Variants in ATRX observed in about 807,000 individuals in gnomAD.
ATRX encodes the protein chromatin remodeler ATRX.
A neutral mutation model predicts 172.6 loss-of-function variants in ATRX; 12 were observed. The ratio of observed to expected loss-of-function variants is 0.07; its 90% CI spans 0.04 to 0.11. The LOEUF (loss-of-function observed/expected upper bound fraction) is 0.11, where lower values mean the gene tolerates loss of function less well. ATRX is among the 10% of genes least tolerant of loss of function. ATRX has a pLI of 1.00. For synonymous variants in ATRX, 674 were observed against 594.7 expected, an observed-to-expected ratio of 1.13 and a Z score of -1.94; for missense variants, 1,368 against 1,767.4, an observed-to-expected ratio of 0.77 and a Z score of 4.05.
At chrX:77,750,727 T>C (rs1420110572) in intron 1 of ATRX, among the ~76,000 whole-genome samples, 1 of 109,319 alleles carries the variant, frequency 9.1e-6, no homozygotes, top group African/African-American at 3.3e-5. Flanking sequence ...CCCCTCCCTG[T>C]GCCCATGTGT....
chrX:77,742,869 G>C (rs1401449908), intron 1 of ATRX, among the ~76,000 whole-genome samples: 4 of 111,724 alleles, frequency 3.6e-5, no homozygotes, highest in Non-Finnish European at 3.8e-5. Flanking sequence ...TTCAGGGAGG[G>C]AACACATTCT....
intron 1 of ATRX, among the ~76,000 whole-genome samples, chrX:77,734,202 G>A (rs1383674257): frequency 6.3e-5 from 6 of 94,814 alleles, no homozygotes; most frequent in Non-Finnish European, 1.1e-4. Context: ...GCAAGATTCT[G>A]TCTCAAATAC....
intron 20 of ATRX, among the ~76,000 whole-genome samples, chrX:77,619,214 T>C (rs1325339727): frequency 9.0e-6 from 1 of 110,964 alleles, no homozygotes; most frequent in East Asian, 2.8e-4. Flanking sequence ...GACATGAACG[T>C]TTTTTAAAAA....
At chrX:77,533,578 C>T (rs782057841) in intron 30 of ATRX, among the ~76,000 whole-genome samples, 4 of 110,833 alleles carry the variant, frequency 3.6e-5, no homozygotes, top group Non-Finnish European at 5.7e-5. Flanking sequence ...GGGACCTGAT[C>T]GATGAGAACA....
chrX:77,718,707 T>C (rs2073583517), intron 1 of ATRX, among the ~76,000 whole-genome samples: 1 of 111,147 alleles, frequency 9.0e-6, no homozygotes, highest in African/African-American at 3.3e-5. Flanking sequence ...ATAATAGATG[T>C]ATCTGTAATT....
chrX:77,543,863 C>T (rs782420708), intron 30 of ATRX, among the ~76,000 whole-genome samples: 6 of 109,630 alleles, frequency 5.5e-5, no homozygotes, highest in African/African-American at 1.0e-4. Context: ...ATGTAGGTGA[C>T]GGGTTGATGG....
intron 30 of ATRX, among the ~76,000 whole-genome samples, chrX:77,525,075 C>CA (rs1219761445): frequency 9.0e-6 from 1 of 111,446 alleles, no homozygotes; most frequent in Admixed American, 9.5e-5. Context: ...TTGTTGAAAA[C>CA]AAAAAACAAT....
intron 1 of ATRX, among the ~76,000 whole-genome samples, chrX:77,767,637 C>T (rs978776433): frequency 1.1e-4 from 12 of 110,965 alleles, no homozygotes; most frequent in Non-Finnish European, 1.9e-4. Context: ...TCAGGTGATC[C>T]GCCCGCCTCA....
At chrX:77,610,490 A>C (rs1483231918) in intron 22 of ATRX, among the ~76,000 whole-genome samples, 1 of 111,892 alleles carries the variant, frequency 8.9e-6, no homozygotes, top group African/African-American at 3.2e-5. Flanking sequence ...ATGGAGTCAG[A>C]AGAGCTGATA....
In ATRX at chrX:77,682,743, T is replaced by C. The variant is rs587778085; in HGVS notation, c.2513A>G (p.Lys838Arg). 8.3e-7 allele frequency: 1 copy of C among 1,208,528 alleles called. No individual in the cohort carries two copies. Among genetic ancestry groups the C allele is most frequent in the African/African-American group, 1.8e-5 (1 of 56,987 alleles). Reference protein sequence around the residue: ...MSKIGAARTTKKRIPNTKDFD... With the variant: ...MSKIGAARTTRKRIPNTKDFD... The stretch of plus-strand genomic sequence containing the variant: ...ATCTTTTGTATTTGGAATTCTTTTT[T>C]TGGTGGTTCTGGCAGCACCAATTTT... The change falls in exon 9 of 35, where the codon AAA becomes AGA. Residue 838 changes from lysine to arginine, a missense_variant. Transcript: ENST00000373344.
chrX:77,775,525 A>C (rs2076316696), intron 1 of ATRX, among the ~76,000 whole-genome samples: 1 of 109,700 alleles, frequency 9.1e-6, no homozygotes, highest in African/African-American at 3.3e-5. Context: ...TCCACAAAAA[A>C]ATACAAAAAT....
intron 22 of ATRX, among the ~76,000 whole-genome samples, chrX:77,613,934 C>T (rs782472598): frequency 9.0e-6 from 1 of 110,706 alleles, no homozygotes; most frequent in South Asian, 3.8e-4. Context: ...CTTCTGATAC[C>T]TGACAATAAA....
chrX:77,673,279 CAACT>C (rs1369310623), intron 10 of ATRX, among the ~76,000 whole-genome samples: 1 of 110,407 alleles, frequency 9.1e-6, no homozygotes. Context: ...ATTTAAAATC[CAACT>C]AACAGGTATT....
intron 10 of ATRX, among the ~76,000 whole-genome samples, chrX:77,670,850 A>G (rs1557129545): frequency 9.3e-6 from 1 of 107,253 alleles, no homozygotes; most frequent in Non-Finnish European, 1.9e-5. Flanking sequence ...TAAGTTTTCT[A>G]TTAAAAAATA....
At chrX:77,571,606 A>C (rs1050766007) in intron 28 of ATRX, among the ~76,000 whole-genome samples, 3 of 111,837 alleles carry the variant, frequency 2.7e-5, no homozygotes, top group African/African-American at 6.5e-5. Flanking sequence ...GTAGTGAGAG[A>C]GAGCGAGCTT....
At chrX:77,632,227 T>G (rs2068140364) in intron 19 of ATRX, among the ~76,000 whole-genome samples, 1 of 44,892 alleles carries the variant, frequency 2.2e-5, no homozygotes, top group Non-Finnish European at 3.9e-5. Context: ...ACCCTTCATG[T>G]TAGAAGCTTT....
intron 30 of ATRX, among the ~76,000 whole-genome samples, chrX:77,555,903 G>A (rs1262467247): frequency 2.7e-5 from 3 of 109,510 alleles, no homozygotes; most frequent in Non-Finnish European, 3.8e-5. Context: ...GACCAGGCGC[G>A]GTGGCTCACA....
At chrX:77,724,734 G>A (rs914165368) in intron 1 of ATRX, among the ~76,000 whole-genome samples, 8 of 111,624 alleles carry the variant, frequency 7.2e-5, no homozygotes, top group Non-Finnish European at 1.5e-4. Context: ...CATATCATCA[G>A]GAATGACACC....
chrX:77,752,012 T>G lies in ATRX; in HGVS notation c.20+33970A>C, dbSNP rs868923573. Among the ~76,000 whole-genome samples, 4 of 112,070 alleles carry G rather than the reference T, an allele frequency of 3.6e-5. No homozygotes were observed. The Middle Eastern group carries it at 0.014, about 384-fold the overall frequency. On this transcript the variant is annotated intron_variant, in intron 1 of 34. Coordinates refer to ENST00000373344, the MANE Select transcript of ATRX (RefSeq NM_000489.6). ...TTGGCTCTACGTAGTTTTTCCTAGT[T>G]CTGTGAAGAAAGTCAATGGTAGCTT...
Sources: allele counts gnomAD v4.1 joint callset (sites outside exome capture counted in the v4.1 genomes callset), GRCh38; gene constraint gnomAD v4.1.1; transcripts MANE v1.5; gene names NCBI Gene and HGNC (gene_info 2026-07-23, HGNC 2026-07-21).